The following TOX2 variants were observed in gnomAD, a reference collection of about 807,000 sequenced individuals.
TOX2 encodes TOX high mobility group box family member 2.
A neutral mutation model predicts 47.4 loss-of-function variants in TOX2; 15 were observed. The observed-to-expected ratio is 0.32, with a 90% CI of 0.21 to 0.49. The LOEUF (loss-of-function observed/expected upper bound fraction) is 0.49, where lower values mean the gene tolerates loss of function less well. Ranked by LOEUF, TOX2 falls within the 20% of genes least tolerant of loss-of-function variation. The pLI is 0.99. For synonymous variants in TOX2, 290 were observed against 296.6 expected (o/e 0.98, Z 0.23); for missense variants, 622 against 673.1 (o/e 0.92, Z 0.84).
At chr20:44,008,827 A>G (rs575296181) in intron 3 of TOX2, among the ~76,000 whole-genome samples, 9 of 152,322 alleles carry the variant, frequency 5.9e-5, no homozygotes, top group African/African-American at 1.9e-4. Flanking sequence ...CAGGGGGTGG[A>G]TACAGGGTTT....
chr20:43,968,055 T>C (rs1418298357), intron 1 of TOX2, among the ~76,000 whole-genome samples: 1 of 152,202 alleles, frequency 6.6e-6, no homozygotes, highest in Non-Finnish European at 1.5e-5. Context: ...ACAGTGCTAA[T>C]GTGTACAATC....
chr20:44,052,533 T>G (rs1290770698), intron 4 of TOX2, among the ~76,000 whole-genome samples: 1 of 152,172 alleles, frequency 6.6e-6, no homozygotes, highest in Non-Finnish European at 1.5e-5. Context: ...TACTTCTGGA[T>G]CCTGGCCCAG....
intron 3 of TOX2, among the ~76,000 whole-genome samples, chr20:44,035,290 A>G (rs2071221913): frequency 6.6e-6 from 1 of 152,192 alleles, no homozygotes; most frequent in Non-Finnish European, 1.5e-5. Context: ...TTTGCTGTCC[A>G]TCCCTGCTGG....
At chr20:43,945,829 T>A (rs1426186691) in intron 1 of TOX2, 2 of 1,576,964 alleles carry the variant, frequency 1.3e-6, no homozygotes, top group Non-Finnish European at 1.7e-6. Context: ...GTGCTGGGCC[T>A]CCAGCCAATA....
chr20:44,038,167 G>A (rs528517345), intron 3 of TOX2, among the ~76,000 whole-genome samples: 1 of 152,220 alleles, frequency 6.6e-6, no homozygotes, highest in African/African-American at 2.4e-5. Flanking sequence ...GAGCTGAGGA[G>A]GGTGGATCGC....
chr20:44,064,989 T>C (rs1317238163), intron 6 of TOX2, 132 bp downstream of exon 6: 2 of 755,106 alleles, frequency 2.6e-6, no homozygotes, highest in Non-Finnish European at 4.3e-6. Context: ...TACATGGTCA[T>C]GTCTGCAGGG....
At chr20:43,960,063 A>T (rs1418769216) in intron 1 of TOX2, among the ~76,000 whole-genome samples, 2 of 152,166 alleles carry the variant, frequency 1.3e-5, no homozygotes, top group Admixed American at 6.5e-5. Flanking sequence ...CCTTTTCTGT[A>T]AAATGGGAGC....
At chr20:44,064,429 G>A (rs1470039303) in intron 5 of TOX2, among the ~76,000 whole-genome samples, 3 of 152,208 alleles carry the variant, frequency 2.0e-5, no homozygotes, top group Non-Finnish European at 4.4e-5. Context: ...GGTTGCGAAG[G>A]TGGTTCGGCA....
intron 1 of TOX2, among the ~76,000 whole-genome samples, chr20:43,953,470 A>G (rs1402637239): frequency 6.6e-6 from 1 of 151,986 alleles, no homozygotes; most frequent in Admixed American, 6.6e-5. Context: ...CCCAACCCGC[A>G]TGCTCCAACA....
At chr20:43,932,557 G>C (rs972804336) in intron 1 of TOX2, among the ~76,000 whole-genome samples, 1 of 152,198 alleles carries the variant, frequency 6.6e-6, no homozygotes, top group African/African-American at 2.4e-5. Flanking sequence ...CAGAGTTGAC[G>C]GAGCTTTGCA....
intron 5 of TOX2, among the ~76,000 whole-genome samples, chr20:44,058,983 C>T (rs2071670740): frequency 6.6e-6 from 1 of 152,094 alleles, no homozygotes; most frequent in Admixed American, 6.5e-5. Context: ...TTAACACCCC[C>T]AAAAGATAAC....
At chr20:43,925,879 A>AG (rs2145837412) in intron 1 of TOX2, among the ~76,000 whole-genome samples, 1 of 152,316 alleles carries the variant, frequency 6.6e-6, no homozygotes, top group South Asian at 2.1e-4. Flanking sequence ...AGGGTGGCAG[A>AG]GGGGGCTGTT....
Position 43,916,252 on chromosome 20 carries a change from C to T in TOX2, c.99+1262C>T. On this transcript the variant is annotated intron_variant, in intron 1 of 8. Coordinates refer to ENST00000341197, the MANE Select transcript of TOX2 (RefSeq NM_001098797.2). The surrounding 1 kb of genome is among the most constrained non-coding windows in gnomAD (Gnocchi z 5.0). The stretch of plus-strand genomic sequence containing the variant: ...GCTGGATCGGCGCCCCCCAGGGTCT[C>T]TCCCCAACCTCGCAGGCTTTTCGTC... The T allele has an allele frequency of 1.0e-6, 1 of 983,016 alleles. No homozygotes were observed. The highest frequency in any genetic ancestry group is 1.7e-5 in the African/African-American group (1 of 57,320). The allele number at this position is 983,016 out of a possible 1,614,324, so 60.9% of individuals were successfully genotyped here.
At chr20:43,937,121 G>A (rs2069336172) in intron 1 of TOX2, among the ~76,000 whole-genome samples, 2 of 152,338 alleles carry the variant, frequency 1.3e-5, no homozygotes, top group African/African-American at 4.8e-5. Context: ...GAGAGCTCTG[G>A]GGGGACTGTG....
chr20:44,000,767 CTG>C, intron 2 of TOX2, among the ~76,000 whole-genome samples: 1 of 151,972 alleles, frequency 6.6e-6, no homozygotes, highest in East Asian at 1.9e-4. Flanking sequence ...ACAGAATGGC[CTG>C]TGATGTTGGC....
chr20:43,990,721 G>A (rs949709114), intron 2 of TOX2, among the ~76,000 whole-genome samples: 5 of 152,140 alleles, frequency 3.3e-5, no homozygotes, highest in African/African-American at 7.2e-5. Flanking sequence ...GGTCTGAGCA[G>A]GGCAGTGTCC....
intron 3 of TOX2, among the ~76,000 whole-genome samples, chr20:44,044,527 C>T (rs527331673): frequency 6.6e-5 from 10 of 151,928 alleles, no homozygotes; most frequent in Non-Finnish European, 1.2e-4. Flanking sequence ...ATATCCCTAC[C>T]GGACAAAATT....
At chr20:44,052,172 C>G (rs1035251455) in intron 4 of TOX2, among the ~76,000 whole-genome samples, 9 of 152,086 alleles carry the variant, frequency 5.9e-5, no homozygotes, top group Admixed American at 2.0e-4. Context: ...AAAATGACCG[C>G]CCCACTGGGA....
intron 3 of TOX2, among the ~76,000 whole-genome samples, chr20:44,041,977 A>C (rs2071338499): frequency 2.0e-5 from 3 of 152,244 alleles, no homozygotes; most frequent in African/African-American, 7.2e-5. Context: ...AAGAATTTGC[A>C]ATCAGGAAAG....
Sources: gnomAD v4.1 joint callset for allele counts (sites outside exome capture counted in the v4.1 genomes callset) on GRCh38, gnomAD v4.1.1 for gene constraint, Gnocchi (gnomAD v3.1) non-coding constraint, MANE v1.5 for transcripts, NCBI Gene and HGNC (gene_info 2026-07-23, HGNC 2026-07-21) for gene names.